LRMDA: variants seen among roughly 807,000 people sequenced by gnomAD.
LRMDA encodes the protein leucine-rich melanocyte differentiation-associated protein.
Under a neutral mutation model 29.8 loss-of-function variants are expected in LRMDA, and 18 were observed. The ratio of observed to expected loss-of-function variants is 0.60; its 90% confidence interval spans 0.42 to 0.90. LRMDA has a LOEUF of 0.90. LRMDA is among the 40% of genes least tolerant of loss of function. The probability of loss-of-function intolerance (pLI) is 0.00; values close to 1 mark genes in which losing one functional copy is unlikely to be tolerated. For synonymous variants in LRMDA, 125 were observed against 109.4 expected (o/e 1.14, Z -0.89); for missense variants, 273 against 273.9 (o/e 1.00, Z 0.02).
chr10:76,208,226 T>C (rs1851572389), intron 5 of LRMDA, among the ~76,000 whole-genome samples: 1 of 152,164 alleles, frequency 6.6e-6, no homozygotes, highest in Non-Finnish European at 1.5e-5. Context: ...AAGCAAATGT[T>C]ACCGAGTTTT....
intron 2 of LRMDA, among the ~76,000 whole-genome samples, chr10:75,447,335 G>A (rs1476081395): frequency 6.6e-6 from 1 of 152,168 alleles, no homozygotes; most frequent in Non-Finnish European, 1.5e-5. Context: ...TGACCAGCCT[G>A]GCCAACGTGG....
chr10:75,676,393 CAAT>C (rs1429042056), intron 2 of LRMDA, among the ~76,000 whole-genome samples: 1 of 152,168 alleles, frequency 6.6e-6, no homozygotes, highest in Non-Finnish European at 1.5e-5. Flanking sequence ...TAATTTTTTA[CAAT>C]TCTAGCATTT....
intron 5 of LRMDA, among the ~76,000 whole-genome samples, chr10:76,080,101 T>A (rs1849025368): frequency 6.6e-6 from 1 of 152,164 alleles, no homozygotes; most frequent in Non-Finnish European, 1.5e-5. Context: ...GCCTTCATTA[T>A]TGTTCGCCCA....
At chr10:75,665,335 G>C (rs947040733) in intron 2 of LRMDA, among the ~76,000 whole-genome samples, 1 of 152,180 alleles carries the variant, frequency 6.6e-6, no homozygotes, top group African/African-American at 2.4e-5. Context: ...GCTGAAGCCT[G>C]GTGGGCTGAT....
At chr10:76,343,813 AT>A (rs5786231) in intron 6 of LRMDA, among the ~76,000 whole-genome samples, 14,928 of 126,564 alleles carry the variant, frequency 0.12, 998 homozygotes, top group African/African-American at 0.25. Flanking sequence ...TTTACAGGTG[AT>A]TTTTTTTTTT....
intron 5 of LRMDA, among the ~76,000 whole-genome samples, chr10:76,141,483 A>C (rs1341331149): frequency 1.3e-5 from 2 of 152,170 alleles, no homozygotes; most frequent in Non-Finnish European, 2.9e-5. Context: ...TGATTGTTAT[A>C]GAACAAATGA....
At chr10:75,707,831 G>A (rs991873521) in intron 2 of LRMDA, among the ~76,000 whole-genome samples, 1 of 152,154 alleles carries the variant, frequency 6.6e-6, no homozygotes, top group African/African-American at 2.4e-5. Flanking sequence ...CCTGTTAGAG[G>A]TGGGGACGGG....
chr10:75,760,553 A>G (rs1041745147), intron 2 of LRMDA, among the ~76,000 whole-genome samples: 2 of 152,158 alleles, frequency 1.3e-5, no homozygotes, highest in Non-Finnish European at 2.9e-5. Context: ...TGATATTCGA[A>G]TAGTGGCAGA....
At chr10:75,622,444 A>C (rs764689927) in intron 2 of LRMDA, among the ~76,000 whole-genome samples, 9 of 152,088 alleles carry the variant, frequency 5.9e-5, no homozygotes, top group Non-Finnish European at 8.8e-5. Context: ...CATCTGGGCC[A>C]TTGTGCATGT....
At chr10:75,880,939 G>T (rs1845284429) in intron 2 of LRMDA, among the ~76,000 whole-genome samples, 1 of 152,154 alleles carries the variant, frequency 6.6e-6, no homozygotes, top group African/African-American at 2.4e-5. Flanking sequence ...GCAGGTTCAT[G>T]AGAGGTCATC....
At chr10:75,642,196 A>G (rs962502761) in intron 2 of LRMDA, among the ~76,000 whole-genome samples, 3 of 152,208 alleles carry the variant, frequency 2.0e-5, no homozygotes, top group Admixed American at 1.3e-4. Flanking sequence ...TGAAAAGAAG[A>G]AAAGTCTCAG....
intron 5 of LRMDA, among the ~76,000 whole-genome samples, chr10:76,064,525 T>C (rs1429110144): frequency 6.6e-6 from 1 of 152,234 alleles, no homozygotes; most frequent in Non-Finnish European, 1.5e-5. Flanking sequence ...AAAGGAGCAC[T>C]ACCTAGTTGC....
At chr10:76,552,921 T>C (rs542324947) in intron 6 of LRMDA, among the ~76,000 whole-genome samples, 3 of 152,304 alleles carry the variant, frequency 2.0e-5, no homozygotes, top group African/African-American at 7.2e-5. Flanking sequence ...GAAAGGAGGC[T>C]GATTCCCACC....
intron 2 of LRMDA, among the ~76,000 whole-genome samples, chr10:75,816,591 T>G (rs930200818): frequency 5.3e-5 from 8 of 152,222 alleles, no homozygotes; most frequent in African/African-American, 1.9e-4. Flanking sequence ...TTGATTTTGC[T>G]CCTTTGTTCT....
intron 5 of LRMDA, among the ~76,000 whole-genome samples, chr10:76,151,280 T>G (rs1850437098): frequency 6.6e-6 from 1 of 152,220 alleles, no homozygotes; most frequent in Non-Finnish European, 1.5e-5. Context: ...CTATATCAGC[T>G]TATTAAACAG....
intron 2 of LRMDA, among the ~76,000 whole-genome samples, 195 bp downstream of exon 2, chr10:75,438,689 T>C (rs1010287066): frequency 2.6e-5 from 4 of 152,236 alleles, no homozygotes; most frequent in Admixed American, 1.3e-4. Context: ...TGCCTTTTTT[T>C]GTGCTGCTGA....
intron 2 of LRMDA, chr10:75,552,425 T>TTTC: frequency 4.1e-6 from 1 of 241,924 alleles, no homozygotes; most frequent in South Asian, 3.9e-5. Flanking sequence ...TTTTTTTTTT[T>TTTC]CCCCCCCCTC....
chr10:76,206,298 C>G (rs954244837), intron 5 of LRMDA, among the ~76,000 whole-genome samples: 2 of 152,158 alleles, frequency 1.3e-5, no homozygotes, highest in Admixed American at 6.5e-5. Flanking sequence ...TCTCTCTTTC[C>G]TCACACATCA....
chr10:76,147,478 G>A (rs1437086397), intron 5 of LRMDA, among the ~76,000 whole-genome samples: 5 of 151,936 alleles, frequency 3.3e-5, no homozygotes, highest in East Asian at 1.9e-4. Flanking sequence ...TGATGGCATC[G>A]GCTACTGAGG....
Sources: allele counts gnomAD v4.1 joint callset (sites outside exome capture counted in the v4.1 genomes callset), GRCh38; gene constraint gnomAD v4.1.1; transcripts MANE v1.5; gene names NCBI Gene and HGNC (gene_info 2026-07-23, HGNC 2026-07-21).